ACSM2B: variants seen among roughly 807,000 people sequenced by gnomAD.
ACSM2B encodes acyl-CoA synthetase medium chain family member 2B.
ACSM2B carries 58 observed loss-of-function variants against 78.6 expected under a neutral mutation model. The observed-to-expected ratio is 0.74, with a 90% confidence interval of 0.60 to 0.92. The LOEUF is 0.92. ACSM2B is among the 40% of genes least tolerant of loss of function. The probability of loss-of-function intolerance (pLI) is 0.00; values close to 1 mark genes in which losing one functional copy is unlikely to be tolerated. For missense variants in ACSM2B, 688 were observed against 711.2 expected, an observed-to-expected ratio of 0.97 and a Z score of 0.37; for synonymous variants, 257 against 256.8, an observed-to-expected ratio of 1.00 and a Z score of -0.01.
At chr16:20,544,152 T>C (rs7499306) in intron 10 of ACSM2B, among the ~76,000 whole-genome samples, 9,268 of 152,256 alleles carry the variant, frequency 0.061, 447 homozygotes, top group East Asian at 0.17. Context: ...GAGAATATAG[T>C]GGGACCTCAC....
chr16:20,549,426 G>T (rs1308596259), intron 6 of ACSM2B, among the ~76,000 whole-genome samples: 1 of 151,998 alleles, frequency 6.6e-6, no homozygotes, highest in Non-Finnish European at 1.5e-5. Context: ...TGGCAAAGGG[G>T]CTCATGAGGT....
In ACSM2B at chr16:20,537,161, T is replaced by C. The variant is rs1049148418; in HGVS notation, c.*97A>G. The C allele has an allele frequency of 1.1e-5, 15 of 1,415,956 alleles. No individual in the cohort carries two copies. The highest frequency in any genetic ancestry group is 1.4e-5 in the African/African-American group (1 of 70,204). 87.7% of individuals were successfully genotyped at this position (1,415,956 alleles called of 1,614,324 possible). On this transcript the variant is annotated 3_prime_UTR_variant, in exon 14 of 14. Coordinates refer to ENST00000329697, the MANE Select transcript of ACSM2B (RefSeq NM_001105069.2). Reference sequence around the variant, plus strand: ...AGACAAAACTTACATTCATGTTCTTTCATAAAGAATCTCATATCATCATAG... The same window carrying C: ...AGACAAAACTTACATTCATGTTCTTCCATAAAGAATCTCATATCATCATAG...
intron 1 of ACSM2B, among the ~76,000 whole-genome samples, chr16:20,566,287 A>T (rs1567217853): frequency 8.6e-6 from 1 of 116,520 alleles, no homozygotes; most frequent in East Asian, 2.3e-4. Context: ...ATATATATAG[A>T]CAGATATATA....
At chr16:20,566,977 A>G (rs2015915463) in intron 1 of ACSM2B, among the ~76,000 whole-genome samples, 1 of 120,674 alleles carries the variant, frequency 8.3e-6, no homozygotes, top group Non-Finnish European at 1.6e-5. Context: ...TATATATTAT[A>G]TACTGTTATA....
intron 4 of ACSM2B, among the ~76,000 whole-genome samples, chr16:20,554,429 C>A (rs1329368421): frequency 6.6e-6 from 1 of 152,132 alleles, no homozygotes; most frequent in Non-Finnish European, 1.5e-5. Context: ...TGATTTTGAA[C>A]CTTTAAAAGC....
At position 20,546,421 on chromosome 16, in the gene ACSM2B, T is replaced by A; in HGVS notation, c.1152A>T (p.Gly384=). ...KTMKIKPGYM[G]TAASCYDVQV... ...GTACATCATAACAGGAAGCAGCCGT[T>A]CCCATGTATCCTGGTTTGATTTTCA... Residue 384 remains glycine, a synonymous_variant, in exon 9 of 14, where the codon GGA becomes GGT. Transcript: ENST00000329697. The A allele has an allele frequency of 6.2e-7, 1 of 1,609,046 alleles. No homozygotes were observed. Among genetic ancestry groups the A allele is most frequent in the South Asian group, 1.1e-5 (1 of 90,466 alleles).
chr16:20,557,831 A>T (rs1297390045), intron 3 of ACSM2B, among the ~76,000 whole-genome samples: 2 of 152,168 alleles, frequency 1.3e-5, no homozygotes, highest in Admixed American at 6.5e-5. Flanking sequence ...CCTTTGGAAA[A>T]ATTATGACAC....
intron 2 of ACSM2B, among the ~76,000 whole-genome samples, chr16:20,560,123 C>T (rs1291966526): frequency 6.6e-6 from 1 of 150,904 alleles, no homozygotes. Flanking sequence ...CGAAGTTTTT[C>T]ATCATCCAAA....
chr16:20,566,530 ATATATACTATATAAC>A (rs1255448369), intron 1 of ACSM2B, among the ~76,000 whole-genome samples: 3 of 108,726 alleles, frequency 2.8e-5, no homozygotes, highest in Admixed American at 1.3e-4. Context: ...CAAATATGTT[ATATATACTATATAAC>A]TATATACTAT....
At chr16:20,541,575 G>A (rs1470781149) in intron 12 of ACSM2B, 1 of 151,678 alleles carries the variant, frequency 6.6e-6, no homozygotes, top group African/African-American at 2.4e-5. Flanking sequence ...CAGCAGGATA[G>A]AATCCTTCCA....
intron 11 of ACSM2B, 52 bp from the exon 12 acceptor site, chr16:20,543,065 A>G: frequency 6.2e-7 from 1 of 1,612,766 alleles, no homozygotes; most frequent in African/African-American, 1.3e-5. Flanking sequence ...CCTCTAGGCC[A>G]TTCCGGAAGT....
chr16:20,554,113 T>G, intron 4 of ACSM2B, 193 bp from the exon 5 acceptor site: 1 of 878,406 alleles, frequency 1.1e-6, no homozygotes, highest in South Asian at 1.4e-5. Context: ...CTACTCAAGT[T>G]TGGCACTTTG....
intron 6 of ACSM2B, 32 bp downstream of exon 6, chr16:20,552,112 G>C: frequency 6.4e-7 from 1 of 1,567,922 alleles, no homozygotes; most frequent in Middle Eastern, 1.7e-4. Flanking sequence ...GGCTCACTCT[G>C]AATAACTGCT....
intron 1 of ACSM2B, among the ~76,000 whole-genome samples, chr16:20,568,751 A>G (rs2016007898): frequency 6.6e-6 from 1 of 151,788 alleles, no homozygotes; most frequent in Non-Finnish European, 1.5e-5. Flanking sequence ...TTTTTTTATA[A>G]TGACCATTCT....
At chr16:20,556,024 T>G (rs2152139784) in intron 3 of ACSM2B, among the ~76,000 whole-genome samples, 1 of 152,212 alleles carries the variant, frequency 6.6e-6, no homozygotes, top group East Asian at 1.9e-4. Context: ...ATTATAATTT[T>G]TGAAGACAAT....
At chr16:20,539,028 G>T (rs1218252269) in intron 13 of ACSM2B, among the ~76,000 whole-genome samples, 3 of 152,022 alleles carry the variant, frequency 2.0e-5, no homozygotes, top group African/African-American at 7.2e-5. Context: ...ATCCATACCT[G>T]ATCCACCTGT....
At chr16:20,560,340 G>T (rs2015614097) in intron 2 of ACSM2B, among the ~76,000 whole-genome samples, 1 of 151,930 alleles carries the variant, frequency 6.6e-6, no homozygotes, top group African/African-American at 2.4e-5. Flanking sequence ...GGATCATGGG[G>T]GTGGGACCCT....
chr16:20,549,958 T>TAAAA (rs2015255343), intron 6 of ACSM2B: 1 of 338,596 alleles, frequency 3.0e-6, no homozygotes, highest in African/African-American at 2.2e-5. Context: ...AGGAAGCTTT[T>TAAAA]AGGTACTGAC....
chr16:20,545,709 A>G (rs2015119393), intron 9 of ACSM2B, among the ~76,000 whole-genome samples: 1 of 152,254 alleles, frequency 6.6e-6, no homozygotes, highest in African/African-American at 2.4e-5. Context: ...TAGGAATGAA[A>G]TAAGATACTA....
Sources: allele counts gnomAD v4.1 joint callset (sites outside exome capture counted in the v4.1 genomes callset), GRCh38; gene constraint gnomAD v4.1.1; transcripts MANE v1.5; gene names NCBI Gene and HGNC (gene_info 2026-07-23, HGNC 2026-07-21).